MICU1: variants seen among roughly 807,000 people sequenced by gnomAD.
MICU1 encodes the protein calcium uptake protein 1, mitochondrial.
A neutral mutation model predicts 56.8 loss-of-function variants in MICU1; 45 were observed. That is an observed-to-expected ratio of 0.79 (90% confidence interval 0.62 to 1.02). The LOEUF (loss-of-function observed/expected upper bound fraction) is 1.02, where lower values mean the gene tolerates loss of function less well. Ranked by LOEUF, MICU1 falls within the 50% of genes least tolerant of loss-of-function variation. MICU1 has a pLI of 0.00. For synonymous variants in MICU1, 186 were observed against 195.1 expected (o/e 0.95, Z 0.39); for missense variants, 504 against 587.1 (o/e 0.86, Z 1.46).
At chr10:72,548,639 T>A (rs1367037264) in intron 4 of MICU1, among the ~76,000 whole-genome samples, 2 of 152,194 alleles carry the variant, frequency 1.3e-5, no homozygotes, top group Non-Finnish European at 2.9e-5. Flanking sequence ...ACATATGGGT[T>A]GATTATATTT....
intron 1 of MICU1, among the ~76,000 whole-genome samples, chr10:72,573,452 T>C (rs1014051704): frequency 6.6e-6 from 1 of 151,702 alleles, no homozygotes; most frequent in African/African-American, 2.4e-5. Flanking sequence ...GTAATAGTAG[T>C]GGTGCTGGTG....
intron 8 of MICU1, among the ~76,000 whole-genome samples, chr10:72,429,654 T>C (rs1864462841): frequency 6.6e-6 from 1 of 152,106 alleles, no homozygotes; most frequent in African/African-American, 2.4e-5. Context: ...TTCACAACAC[T>C]TCTGTCCTAT....
At chr10:72,495,192 C>CAT (rs35875496) in intron 6 of MICU1, among the ~76,000 whole-genome samples, 98,032 of 150,866 alleles carry the variant, frequency 0.65, 32,947 homozygotes, top group African/African-American at 0.77. Flanking sequence ...GCCCAAATTA[C>CAT]ATGTCTGCAT....
intron 1 of MICU1, among the ~76,000 whole-genome samples, chr10:72,610,079 C>A (rs1040513460): frequency 6.6e-6 from 1 of 151,296 alleles, no homozygotes; most frequent in Non-Finnish European, 1.5e-5. Context: ...GGCAACACAG[C>A]AAGACCCCAT....
At chr10:72,395,364 C>T (rs555294771) in intron 10 of MICU1, among the ~76,000 whole-genome samples, 12 of 152,224 alleles carry the variant, frequency 7.9e-5, no homozygotes, top group African/African-American at 2.2e-4. Context: ...CCAGTGTGAT[C>T]GACACAGAAG....
chr10:72,622,255 C>A (rs11000374), intron 1 of MICU1, among the ~76,000 whole-genome samples: 517 of 34,094 alleles, frequency 0.015, 2 homozygotes, highest in Non-Finnish European at 0.029. Flanking sequence ...AAAAAAAAAA[C>A]ATGAAAATTA....
At chr10:72,590,132 A>G (rs976762251) in intron 1 of MICU1, among the ~76,000 whole-genome samples, 1 of 152,178 alleles carries the variant, frequency 6.6e-6, no homozygotes, top group Non-Finnish European at 1.5e-5. Flanking sequence ...TTTTTTAAAC[A>G]TGACTTAACT....
At chr10:72,506,836 T>C (rs955181247) in intron 6 of MICU1, among the ~76,000 whole-genome samples, 1 of 152,196 alleles carries the variant, frequency 6.6e-6, no homozygotes, top group Non-Finnish European at 1.5e-5. Flanking sequence ...TGATCTTAAG[T>C]TGTATGCTGC....
chr10:72,578,674 C>T (rs1840817086), intron 1 of MICU1, among the ~76,000 whole-genome samples: 1 of 152,086 alleles, frequency 6.6e-6, no homozygotes, highest in African/African-American at 2.4e-5. Flanking sequence ...GTGGTGCAAT[C>T]TTGGCTCACT....
intron 6 of MICU1, among the ~76,000 whole-genome samples, chr10:72,477,841 G>A (rs959543871): frequency 6.6e-6 from 1 of 151,762 alleles, no homozygotes; most frequent in South Asian, 2.1e-4. Context: ...AGGCAGAAAA[G>A]TACACTGTAA....
At chr10:72,514,612 G>A (rs546523447) in intron 5 of MICU1, among the ~76,000 whole-genome samples, 2 of 152,260 alleles carry the variant, frequency 1.3e-5, no homozygotes, top group African/African-American at 4.8e-5. Context: ...TGATTTGACA[G>A]GTTTCCTTAA....
At chr10:72,569,235 A>ATT (rs1245936809) in intron 1 of MICU1, among the ~76,000 whole-genome samples, 883 of 42,382 alleles carry the variant, frequency 0.021, 37 homozygotes, top group Non-Finnish European at 0.029. Context: ...ATATATATAT[A>ATT]TATTTTTTTT....
chr10:72,398,813 C>CA lies in MICU1; in HGVS notation c.1180+9115dup, dbSNP rs1432641719. 4.6e-5 allele frequency among the ~76,000 whole-genome samples: 7 copies of CA among 151,734 alleles called. No homozygotes were observed. The East Asian group carries it at 5.8e-4, about 13-fold the overall frequency. On this transcript the variant is annotated intron_variant, in intron 10 of 11. Transcript: ENST00000361114. Reference sequence around the variant, plus strand: ...AGGCAATAATTAATAGCCTACCAACCAAAAAAAAGTCCAGGACCAGATGGA... The same window carrying CA: ...AGGCAATAATTAATAGCCTACCAACCAAAAAAAAAGTCCAGGACCAGATGGA...
intron 8 of MICU1, among the ~76,000 whole-genome samples, chr10:72,437,638 G>A (rs1029569256): frequency 9.9e-5 from 15 of 152,174 alleles, no homozygotes; most frequent in East Asian, 3.8e-4. Context: ...CCAGTGTGCT[G>A]TATTCAGGAG....
At chr10:72,534,275 G>A (rs1432105480) in intron 4 of MICU1, among the ~76,000 whole-genome samples, 1 of 151,174 alleles carries the variant, frequency 6.6e-6, no homozygotes, top group Non-Finnish European at 1.5e-5. Context: ...TTAAAATTAG[G>A]TTAAATTTAA....
At chr10:72,576,873 T>C (rs893565803) in intron 1 of MICU1, among the ~76,000 whole-genome samples, 1 of 152,122 alleles carries the variant, frequency 6.6e-6, no homozygotes, top group Non-Finnish European at 1.5e-5. Flanking sequence ...ATCCTTAGGA[T>C]CCATAAGAAT....
At chr10:72,439,739 C>A (rs1021112979) in intron 8 of MICU1, among the ~76,000 whole-genome samples, 1 of 152,184 alleles carries the variant, frequency 6.6e-6, no homozygotes, top group African/African-American at 2.4e-5. Context: ...AAATCACAAG[C>A]ATTCCTATCC....
chr10:72,547,221 T>C (rs1839918345), intron 4 of MICU1, among the ~76,000 whole-genome samples: 1 of 151,938 alleles, frequency 6.6e-6, no homozygotes, highest in Non-Finnish European at 1.5e-5. Context: ...TTTATTTTTA[T>C]AGAGACAGGG....
chr10:72,480,631 G>A lies in MICU1; in HGVS notation c.653-3375C>T, dbSNP rs186206954. Among the ~76,000 whole-genome samples the A allele has an allele frequency of 4.6e-5, 7 of 152,330 alleles. No homozygotes were observed. The East Asian group carries it at 1.4e-3, about 29-fold the overall frequency. On this transcript the variant is annotated intron_variant, in intron 6 of 11. Transcript: ENST00000361114. ...GCATCACAATATCCAGAGGAATACAGCCCAAATTAATAGAAATAGGAAAAC... is the reference window on the plus strand; with the variant it reads ...GCATCACAATATCCAGAGGAATACAACCCAAATTAATAGAAATAGGAAAAC...
Sources: allele counts gnomAD v4.1 joint callset (sites outside exome capture counted in the v4.1 genomes callset), GRCh38; gene constraint gnomAD v4.1.1; transcripts MANE v1.5; gene names NCBI Gene and HGNC (gene_info 2026-07-23, HGNC 2026-07-21).